Variants in TRHDE observed in about 807,000 individuals in gnomAD.
TRHDE encodes thyrotropin releasing hormone degrading enzyme, also known as thyrotropin-releasing hormone-degrading ectoenzyme.
Under a neutral mutation model 125.7 loss-of-function variants are expected in TRHDE, and 72 were observed. The ratio of observed to expected loss-of-function variants is 0.57; its 90% CI spans 0.47 to 0.70. The LOEUF is 0.70. Among genes scored for constraint, TRHDE ranks in the 30% least tolerant of loss-of-function variants. The pLI is 0.00. For synonymous variants in TRHDE, 509 were observed against 509.1 expected (o/e 1.00, Z 0.00); for missense variants, 1,110 against 1,327.1 (o/e 0.84, Z 2.54).
chr12:72,435,640 ATTTTTT>A lies in TRHDE; in HGVS notation c.1316-34107_1316-34102del, dbSNP rs1246330658. ...GAATGAAAATAGATCCCAGGCTGGG[ATTTTTT>A]TTTTTTTTTTGTCAGAGTTTTTTCT... On this transcript the variant is annotated intron_variant, in intron 3 of 18. Coordinates refer to ENST00000261180, the MANE Select transcript of TRHDE (RefSeq NM_013381.3). 7.2e-5 allele frequency among the ~76,000 whole-genome samples: 10 copies of A among 139,078 alleles called. No individual in the cohort carries two copies. In the East Asian group the frequency reaches 2.1e-3, roughly 29 times the overall value. 91.2% of individuals were successfully genotyped at this position (139,078 alleles called of 152,430 possible).
intron 2 of TRHDE, among the ~76,000 whole-genome samples, chr12:72,300,694 A>G (rs1291656611): frequency 6.6e-6 from 1 of 151,726 alleles, no homozygotes; most frequent in African/African-American, 2.4e-5. Flanking sequence ...CACACACAGT[A>G]TATATATGTG....
At chr12:72,529,937 T>C (rs1868456794) in intron 6 of TRHDE, among the ~76,000 whole-genome samples, 1 of 152,148 alleles carries the variant, frequency 6.6e-6, no homozygotes, top group African/African-American at 2.4e-5. Flanking sequence ...TCAATTCCTG[T>C]ATACTCTGCT....
At chr12:72,143,808 A>T (rs1001512079) in intron 2 of TRHDE, among the ~76,000 whole-genome samples, 6 of 152,118 alleles carry the variant, frequency 3.9e-5, no homozygotes, top group African/African-American at 1.4e-4. Context: ...GCTAGATCTT[A>T]TTTCTTGAAT....
rs145886351 is a variant in TRHDE, at chr12:72,376,348, C to T, written c.1189-1647C>T. On this transcript the variant is annotated intron_variant, in intron 2 of 18. Transcript: ENST00000261180. ...GTACATTCATCCTTTTTTAAAGGTC[C>T]GCTTCCTATGAACTTTACTTCAGAT... is the stretch of plus-strand genomic sequence containing the variant. Among the ~76,000 whole-genome samples the T allele has an allele frequency of 3.8e-4, 58 of 152,164 alleles. No homozygotes were observed. In the Middle Eastern group the frequency reaches 0.017, roughly 45 times the overall value.
At chr12:72,207,861 G>A (rs1439791605) in intron 2 of TRHDE, among the ~76,000 whole-genome samples, 1 of 152,086 alleles carries the variant, frequency 6.6e-6, no homozygotes, top group African/African-American at 2.4e-5. Flanking sequence ...AATCTCCCCT[G>A]TTTATTTCTA....
chr12:72,430,875 C>T (rs954634308), intron 3 of TRHDE, among the ~76,000 whole-genome samples: 1 of 151,924 alleles, frequency 6.6e-6, no homozygotes, highest in Non-Finnish European at 1.5e-5. Context: ...GTATTTTGAT[C>T]CATAAACATA....
intron 5 of TRHDE, among the ~76,000 whole-genome samples, 175 bp from the exon 6 acceptor site, chr12:72,499,323 C>T (rs1878049525): frequency 6.6e-6 from 1 of 152,060 alleles, no homozygotes; most frequent in African/African-American, 2.4e-5. Flanking sequence ...AGTCAACCAC[C>T]TTCATTTTAG....
At chr12:72,301,937 A>T (rs1440876255) in intron 2 of TRHDE, among the ~76,000 whole-genome samples, 1 of 152,186 alleles carries the variant, frequency 6.6e-6, no homozygotes, top group African/African-American at 2.4e-5. Context: ...GAATACTGCT[A>T]TTTCTGTTAT....
intron 3 of TRHDE, among the ~76,000 whole-genome samples, chr12:72,394,499 A>G (rs1013097737): frequency 1.3e-5 from 2 of 152,108 alleles, no homozygotes; most frequent in South Asian, 2.1e-4. Flanking sequence ...TCACATATAT[A>G]TGTGCACATT....
intron 2 of TRHDE, among the ~76,000 whole-genome samples, chr12:72,327,068 T>C (rs1287374323): frequency 6.6e-6 from 1 of 152,168 alleles, no homozygotes; most frequent in East Asian, 1.9e-4. Flanking sequence ...TATCAGGTTT[T>C]GATCTTTTTT....
At chr12:72,471,377 T>A (rs1354262053) in intron 4 of TRHDE, among the ~76,000 whole-genome samples, 2 of 152,218 alleles carry the variant, frequency 1.3e-5, no homozygotes, top group African/African-American at 4.8e-5. Context: ...AGCAGTTTCC[T>A]TTTTGAATGC....
chr12:72,265,492 G>T (rs1464538865), intron 2 of TRHDE, among the ~76,000 whole-genome samples: 1 of 151,702 alleles, frequency 6.6e-6, no homozygotes, highest in Non-Finnish European at 1.5e-5. Flanking sequence ...GAAGAAACTG[G>T]TAATTTTCTA....
chr12:72,304,511 AT>A (rs1868310214), intron 2 of TRHDE, among the ~76,000 whole-genome samples: 1 of 152,168 alleles, frequency 6.6e-6, no homozygotes, highest in African/African-American at 2.4e-5. Flanking sequence ...TCTGATTTGG[AT>A]TTCTATGAAT....
chr12:72,095,077 C>G (rs1874881294), intron 1 of TRHDE, among the ~76,000 whole-genome samples: 1 of 152,190 alleles, frequency 6.6e-6, no homozygotes, highest in Non-Finnish European at 1.5e-5. Context: ...CTCTGAAGGA[C>G]AGACTAGGAG....
In TRHDE at chr12:72,167,527, A is replaced by G. The variant is rs1270212035; in HGVS notation, n.279+61775A>G. The G allele has an allele frequency of 3.3e-5, 5 of 152,178 alleles. No homozygotes were observed. In the East Asian group the frequency reaches 7.7e-4, roughly 23 times the overall value. The allele number at this position is 152,178 out of a possible 1,614,324, so 9.4% of individuals were successfully genotyped here. On this transcript the variant is annotated intron_variant and non_coding_transcript_variant, in intron 2 of 4. Transcript: ENST00000548156. Reference sequence around the variant, plus strand: ...CAATACTTTTTCTGACCAAATAATGAATTTTTATAGCAAAAGAAATAAAGC... The same window carrying G: ...CAATACTTTTTCTGACCAAATAATGGATTTTTATAGCAAAAGAAATAAAGC...
chr12:72,320,260 C>G (rs1417280952), intron 2 of TRHDE, among the ~76,000 whole-genome samples: 1 of 152,060 alleles, frequency 6.6e-6, no homozygotes. Flanking sequence ...CAGATACAAA[C>G]ATTTGCAGAT....
At chr12:72,532,290 TAATG>T (rs1868594881) in intron 6 of TRHDE, among the ~76,000 whole-genome samples, 1 of 151,786 alleles carries the variant, frequency 6.6e-6, no homozygotes, top group African/African-American at 2.4e-5. Flanking sequence ...GAGATTAACT[TAATG>T]AATAAATAAT....
At chr12:72,563,136 T>C in intron 9 of TRHDE, 96 bp downstream of exon 9, 4 of 941,376 alleles carry the variant, frequency 4.2e-6, no homozygotes, top group Non-Finnish European at 6.3e-6. Context: ...TTCTGAAATA[T>C]TGTAAGTGAA....
chr12:72,272,877 C>T lies in TRHDE; in HGVS notation c.234C>T (p.His78=). 6.3e-7 allele frequency: 1 copy of T among 1,579,988 alleles called. No homozygotes were observed. The highest frequency in any genetic ancestry group is 8.5e-7 in the Non-Finnish European group (1 of 1,170,938). The change falls in exon 1 of 19, where the codon CAC becomes CAT. Residue 78 remains histidine, a synonymous_variant. Coordinates refer to ENST00000261180, the MANE Select transcript of TRHDE (RefSeq NM_013381.3). This position sits in a 1 kb window ranked among gnomAD's most constrained non-coding sequence, Gnocchi z 6.7. ...VGVRPRTTER[H]IAVHKRLVLA... is the part of the protein sequence containing the mutation. ...TGCGACCCCGCACCACGGAGCGCCA[C>T]ATCGCCGTACACAAGCGGCTTGTGC... is the stretch of plus-strand genomic sequence containing the variant.
Sources: gnomAD v4.1 joint callset for allele counts (sites outside exome capture counted in the v4.1 genomes callset) on GRCh38, gnomAD v4.1.1 for gene constraint, Gnocchi (gnomAD v3.1) non-coding constraint, MANE v1.5 for transcripts, NCBI Gene and HGNC (gene_info 2026-07-23, HGNC 2026-07-21) for gene names.